The following TAFA1 variants were observed in gnomAD, a reference collection of about 807,000 sequenced individuals.
The protein encoded by TAFA1 is chemokine-like protein TAFA-1.
TAFA1 carries 4 observed loss-of-function variants against 18.5 expected under a neutral mutation model. That is an observed-to-expected ratio of 0.22 (90% confidence interval 0.11 to 0.49). The LOEUF is 0.49. Ranked by LOEUF, TAFA1 falls within the 20% of genes least tolerant of loss-of-function variation. The probability of loss-of-function intolerance (pLI) is 0.98; values close to 1 mark genes in which losing one functional copy is unlikely to be tolerated. For synonymous variants in TAFA1, 56 were observed against 55.2 expected (o/e 1.01, Z -0.06); for missense variants, 147 against 169.0 (o/e 0.87, Z 0.72).
intron 2 of TAFA1, among the ~76,000 whole-genome samples, chr3:68,335,839 C>G (rs1013929127): frequency 1.3e-5 from 2 of 152,198 alleles, no homozygotes; most frequent in Non-Finnish European, 2.9e-5. Flanking sequence ...CACGATATTA[C>G]TGGTGACATA....
At chr3:68,260,374 A>G (rs1257402817) in intron 2 of TAFA1, among the ~76,000 whole-genome samples, 2 of 152,096 alleles carry the variant, frequency 1.3e-5, no homozygotes, top group Non-Finnish European at 2.9e-5. Flanking sequence ...ATCAATGTTC[A>G]TCAAGGATAT....
rs149645588 is a variant in TAFA1, at chr3:68,268,715, A to T, written c.119-148565A>T. 1.2e-3 allele frequency among the ~76,000 whole-genome samples: 182 copies of T among 151,950 alleles called. 2 individuals are homozygous for T. The East Asian group carries it at 0.027, about 22-fold the overall frequency. ...CACCTCTTGCCTGATTGACATTTCC[A>T]CTCTGCTTGCCTTATGCATGTGCTG... On this transcript the variant is annotated intron_variant, in intron 2 of 4. Transcript: ENST00000478136.
intron 3 of TAFA1, among the ~76,000 whole-genome samples, chr3:68,492,690 A>G (rs942081448): frequency 1.5e-4 from 23 of 152,188 alleles, no homozygotes; most frequent in Non-Finnish European, 2.8e-4. Flanking sequence ...GTAGAAAAAA[A>G]CAGAACATCA....
rs141584482 is a variant in TAFA1, at chr3:68,267,349, T to G, written c.119-149931T>G. Among the ~76,000 whole-genome samples, 4 of 152,330 alleles carry G rather than the reference T, an allele frequency of 2.6e-5. No individual in the cohort carries two copies. The East Asian group carries it at 7.7e-4, about 29-fold the overall frequency. On this transcript the variant is annotated intron_variant, in intron 2 of 4. Coordinates refer to ENST00000478136, the MANE Select transcript of TAFA1 (RefSeq NM_213609.4). Reference sequence around the variant, plus strand: ...TTTACTCAAACAAAACTGTTCTACTTAGGTTCCATGGTTGTCACATCATTA... The same window carrying G: ...TTTACTCAAACAAAACTGTTCTACTGAGGTTCCATGGTTGTCACATCATTA...
chr3:68,145,652 A>G, intron 2 of TAFA1: 1 of 1,075,310 alleles, frequency 9.3e-7, no homozygotes, highest in South Asian at 1.2e-5. Flanking sequence ...TCTGAGTTCA[A>G]GATTCATCTT....
intron 2 of TAFA1, among the ~76,000 whole-genome samples, chr3:68,135,776 T>A (rs2065600143): frequency 6.6e-6 from 1 of 152,254 alleles, no homozygotes; most frequent in African/African-American, 2.4e-5. Flanking sequence ...TAGCCATTTT[T>A]TCATTTGTTT....
intron 2 of TAFA1, among the ~76,000 whole-genome samples, chr3:68,075,382 T>A (rs182376508): frequency 6.6e-6 from 1 of 152,318 alleles, no homozygotes; most frequent in East Asian, 1.9e-4. Context: ...AACTTGTAGT[T>A]TGTGATAAGA....
intron 2 of TAFA1, among the ~76,000 whole-genome samples, chr3:68,184,754 A>G (rs567314051): frequency 6.6e-6 from 1 of 152,276 alleles, no homozygotes; most frequent in South Asian, 2.1e-4. Context: ...TATCAGGCCC[A>G]AAGAATGTTG....
rs148257573 is a variant in TAFA1, at chr3:68,395,325, G to A, written c.119-21955G>A. The stretch of plus-strand genomic sequence containing the variant: ...GGAGAGGATGTGGAGAAATAGGAAC[G>A]CTTTTACACTGTTGGTGAGAGTGTA... On this transcript the variant is annotated intron_variant, in intron 2 of 4. Transcript: ENST00000478136. 3.0e-3 allele frequency among the ~76,000 whole-genome samples: 464 copies of A among 152,154 alleles called. 4 individuals carry two copies. The highest frequency in any genetic ancestry group is 0.01 in the African/African-American group (430 of 41,552).
chr3:68,157,223 A>C (rs1287941689), intron 2 of TAFA1, among the ~76,000 whole-genome samples: 2 of 152,178 alleles, frequency 1.3e-5, no homozygotes, highest in Non-Finnish European at 2.9e-5. Context: ...TGCTTACAAC[A>C]TGCTCTTGAG....
intron 2 of TAFA1, among the ~76,000 whole-genome samples, chr3:68,215,479 T>A (rs993504997): frequency 2.0e-5 from 3 of 152,038 alleles, no homozygotes; most frequent in Admixed American, 2.0e-4. Context: ...ACCTAAAGCA[T>A]GACTCATGAA....
At chr3:68,538,183 C>A (rs1402756224) in intron 3 of TAFA1, among the ~76,000 whole-genome samples, 1 of 152,038 alleles carries the variant, frequency 6.6e-6, no homozygotes, top group Admixed American at 6.6e-5. Flanking sequence ...AGTCAATTTT[C>A]AGTTCTACAA....
intron 2 of TAFA1, among the ~76,000 whole-genome samples, chr3:68,146,891 T>C (rs2065747498): frequency 6.6e-6 from 1 of 152,128 alleles, no homozygotes; most frequent in Non-Finnish European, 1.5e-5. Context: ...CTTTATACAA[T>C]AGATTTCTTA....
At chr3:68,150,404 T>G (rs982116703) in intron 2 of TAFA1, among the ~76,000 whole-genome samples, 1 of 152,236 alleles carries the variant, frequency 6.6e-6, no homozygotes, top group African/African-American at 2.4e-5. Context: ...TTGACTTAAA[T>G]CATTGTTTTA....
chr3:68,479,941 G>A (rs1365794252), intron 3 of TAFA1, among the ~76,000 whole-genome samples: 1 of 151,970 alleles, frequency 6.6e-6, no homozygotes, highest in African/African-American at 2.4e-5. Context: ...ATTTTCAGCT[G>A]TGACATTAGC....
chr3:68,186,307 T>C (rs1359555759), intron 2 of TAFA1, among the ~76,000 whole-genome samples: 2 of 152,008 alleles, frequency 1.3e-5, no homozygotes, highest in Non-Finnish European at 2.9e-5. Flanking sequence ...TGTGCTTCCC[T>C]AACCCTTTCC....
chr3:68,300,514 C>A (rs892945774), intron 2 of TAFA1, among the ~76,000 whole-genome samples: 1 of 152,086 alleles, frequency 6.6e-6, no homozygotes. Context: ...TCAGATGAGG[C>A]TTTGGACTTG....
In TAFA1 at chr3:68,499,701, A is replaced by G. The variant is rs192066057; in HGVS notation, c.260-39055A>G. On this transcript the variant is annotated intron_variant, in intron 3 of 4. Coordinates refer to ENST00000478136, the MANE Select transcript of TAFA1 (RefSeq NM_213609.4). ...TTTGATAAAACCCCATTAGTTTTAT[A>G]GTAGCAGAAATAAACGTATGAATAA... 2.0e-3 allele frequency among the ~76,000 whole-genome samples: 310 copies of G among 152,114 alleles called. 1 individual carries two copies. The highest frequency in any genetic ancestry group is 5.8e-3 in the Admixed American group (88 of 15,262).
At position 68,116,695 on chromosome 3, in the gene TAFA1, C is replaced by G. The variant is rs1037377581; in HGVS notation, c.118+109951C>G. Among the ~76,000 whole-genome samples, 2 of 152,112 alleles carry G rather than the reference C, an allele frequency of 1.3e-5. 1 individual carries two copies. Among genetic ancestry groups the G allele is most frequent in the East Asian group, 3.8e-4 (2 of 5,196 alleles). On this transcript the variant is annotated intron_variant, in intron 2 of 4. Coordinates refer to ENST00000478136, the MANE Select transcript of TAFA1 (RefSeq NM_213609.4). Reference sequence around the variant, plus strand: ...ACCTATTTATCTTTGTCTGCTTGCCCCCTCATCTCTGCTAAAATATAAGCT... The same window carrying G: ...ACCTATTTATCTTTGTCTGCTTGCCGCCTCATCTCTGCTAAAATATAAGCT...
Sources: allele counts gnomAD v4.1 joint callset (sites outside exome capture counted in the v4.1 genomes callset), GRCh38; gene constraint gnomAD v4.1.1; transcripts MANE v1.5; gene names NCBI Gene and HGNC (gene_info 2026-07-23, HGNC 2026-07-21).